GRIK5: variants seen among roughly 807,000 people sequenced by gnomAD.
The protein encoded by GRIK5 is glutamate ionotropic receptor kainate type subunit 5.
A neutral mutation model predicts 97.4 loss-of-function variants in GRIK5; 43 were observed. The ratio of observed to expected loss-of-function variants is 0.44; its 90% CI spans 0.35 to 0.57. The LOEUF is 0.57. Among genes scored for constraint, GRIK5 ranks in the 20% least tolerant of loss-of-function variants. The pLI, the probability that GRIK5 is intolerant of heterozygous loss-of-function variation, is 0.01. For missense variants in GRIK5, 1,015 were observed against 1,382.0 expected, an observed-to-expected ratio of 0.73 and a Z score of 4.21; for synonymous variants, 580 against 583.5, an observed-to-expected ratio of 0.99 and a Z score of 0.09.
chr19:42,040,915 C>T (rs1168536033), intron 12 of GRIK5, among the ~76,000 whole-genome samples: 1 of 151,670 alleles, frequency 6.6e-6, no homozygotes, highest in Non-Finnish European at 1.5e-5. Context: ...TAATAAAATT[C>T]ACCCTGACCT....
rs1555870069 is a variant in GRIK5 at position 41,998,795 on chromosome 19, G to A, written c.*76C>T. On this transcript the variant is annotated 3_prime_UTR_variant, in exon 20 of 20. Transcript: ENST00000593562. ...AAGTCCTGTCCCGCGCCCGCTGCGG[G>A]AGCGGAGACTGCTGGGGCCTGGGGC... 2.7e-6 allele frequency: 2 copies of A among 739,760 alleles called. No individual in the cohort carries two copies. Among genetic ancestry groups the A allele is most frequent in the African/African-American group, 1.9e-5 (1 of 52,676 alleles). The allele number at this position is 739,760 out of a possible 1,614,324, so 45.8% of individuals were successfully genotyped here.
Position 42,006,887 on chromosome 19 carries a change from T to A in GRIK5, c.1872-77A>T. 9.0e-7 allele frequency: 1 copy of A among 1,106,200 alleles called. No individual in the cohort carries two copies. The highest frequency in any genetic ancestry group is 1.3e-6 in the Non-Finnish European group (1 of 784,230). 68.5% of individuals were successfully genotyped at this position (1,106,200 alleles called of 1,614,324 possible). On this transcript the variant is annotated intron_variant, in intron 15 of 19. Coordinates refer to ENST00000593562, the MANE Select transcript of GRIK5 (RefSeq NM_002088.5). This position sits in a 1 kb window ranked among gnomAD's most constrained non-coding sequence, Gnocchi z 5.3. ...CCCCCGTGGCCATGCCCCCCATTGGTGGTGCCCCTCCCAAGTGACCCCAGC... is the reference window on the plus strand; with the variant it reads ...CCCCCGTGGCCATGCCCCCCATTGGAGGTGCCCCTCCCAAGTGACCCCAGC...
At chr19:42,032,929 G>A (rs1451254597) in intron 12 of GRIK5, among the ~76,000 whole-genome samples, 1 of 152,176 alleles carries the variant, frequency 6.6e-6, no homozygotes, top group Non-Finnish European at 1.5e-5. Context: ...TCCCACTAAG[G>A]TGTTCCTCAA....
chr19:42,004,554 G>A (rs2075462982), intron 17 of GRIK5, among the ~76,000 whole-genome samples: 1 of 152,146 alleles, frequency 6.6e-6, no homozygotes, highest in Admixed American at 6.5e-5. Flanking sequence ...CCCACCTGAG[G>A]CAAGTGTTTC....
At chr19:42,029,803 C>T (rs2075819434) in intron 12 of GRIK5, among the ~76,000 whole-genome samples, 2 of 152,200 alleles carry the variant, frequency 1.3e-5, no homozygotes, top group African/African-American at 4.8e-5. Context: ...GCCTTACGGG[C>T]TGTAGGGAAA....
chr19:42,054,867 C>T (rs1471547791), intron 8 of GRIK5, among the ~76,000 whole-genome samples: 1 of 152,060 alleles, frequency 6.6e-6, no homozygotes. Flanking sequence ...TGGGGCTGGA[C>T]GACCATGCCC....
chr19:42,016,421 CAAAAATAA>C (rs749799778), intron 15 of GRIK5, among the ~76,000 whole-genome samples: 5 of 152,008 alleles, frequency 3.3e-5, no homozygotes, highest in Non-Finnish European at 7.4e-5. Context: ...AACTCCATCT[CAAAAATAA>C]AAAAATAAAA....
intron 15 of GRIK5, among the ~76,000 whole-genome samples, chr19:42,020,856 G>C (rs1470776868): frequency 6.6e-6 from 1 of 152,154 alleles, no homozygotes; most frequent in Admixed American, 6.5e-5. Context: ...GCAGCCCTCA[G>C]GGCTGCTCTG....
chr19:42,041,141 CT>C (rs1274342161), intron 12 of GRIK5, among the ~76,000 whole-genome samples: 1 of 152,178 alleles, frequency 6.6e-6, no homozygotes, highest in Non-Finnish European at 1.5e-5. Flanking sequence ...GATAAACGTC[CT>C]TGTCAAGCAA....
rs1318857416 is a variant in GRIK5, at chr19:42,006,488, C to T, written c.2037+157G>A. ...AGTTCCCTAGCCAGCCAGCTGCGAG[C>T]CCCATGACAGCACATGTGTGTTTTC... On this transcript the variant is annotated intron_variant, in intron 16 of 19. Coordinates refer to ENST00000593562, the MANE Select transcript of GRIK5 (RefSeq NM_002088.5). The surrounding 1 kb of genome is among the most constrained non-coding windows in gnomAD (Gnocchi z 5.3). 6.6e-6 allele frequency among the ~76,000 whole-genome samples: 1 copy of T among 152,194 alleles called. No individual in the cohort carries two copies. The highest frequency in any genetic ancestry group is 1.5e-5 in the Non-Finnish European group (1 of 68,040).
chr19:42,020,864 C>T (rs917784373), intron 15 of GRIK5, among the ~76,000 whole-genome samples: 8 of 152,194 alleles, frequency 5.3e-5, no homozygotes, highest in African/African-American at 1.9e-4. Context: ...CAGGGCTGCT[C>T]TGTCTTTGGA....
intron 12 of GRIK5, among the ~76,000 whole-genome samples, chr19:42,024,468 C>A (rs1156314868): frequency 6.6e-6 from 1 of 152,170 alleles, no homozygotes; most frequent in African/African-American, 2.4e-5. Context: ...CCACCTCAGC[C>A]TCCCAAAGTG....
In GRIK5 at chr19:42,022,753, G is replaced by C; in HGVS notation, c.1474-399C>G. On this transcript the variant is annotated intron_variant, in intron 12 of 19. Coordinates refer to ENST00000593562, the MANE Select transcript of GRIK5 (RefSeq NM_002088.5). The surrounding 1 kb of genome is among the most constrained non-coding windows in gnomAD (Gnocchi z 4.2). The stretch of plus-strand genomic sequence containing the variant: ...ATAATACAGGCCCGGACAGAACACA[G>C]AGCAGGGAGAGAGGAGGCAGGGCCC... 5.3e-6 allele frequency: 4 copies of C among 752,580 alleles called. No homozygotes were observed. Among genetic ancestry groups the C allele is most frequent in the Non-Finnish European group, 6.5e-6 (4 of 617,548 alleles). The allele number at this position is 752,580 out of a possible 1,614,324, so 46.6% of individuals were successfully genotyped here. A position where few individuals can be genotyped will look rare whatever the true frequency, so the allele number is the denominator to read the frequency against.
chr19:42,065,494 G>T lies in GRIK5; in HGVS notation c.80-107C>A, dbSNP rs2146188057. 1 of 1,171,992 alleles carries T rather than the reference G, an allele frequency of 8.5e-7. No homozygotes were observed. The highest frequency in any genetic ancestry group is 1.2e-6 in the Non-Finnish European group (1 of 841,322). 72.6% of individuals were successfully genotyped at this position (1,171,992 alleles called of 1,614,324 possible). A position where few individuals can be genotyped will look rare whatever the true frequency, so the allele number is the denominator to read the frequency against. On this transcript the variant is annotated intron_variant, in intron 2 of 19. Transcript: ENST00000593562. This position sits in a 1 kb window ranked among gnomAD's most constrained non-coding sequence, Gnocchi z 5.8. ...GGGTGAGGTGGGTATACGGACCAGGGGTCTAGACACCTGGATCTGAGGTTG... is the reference window on the plus strand; with the variant it reads ...GGGTGAGGTGGGTATACGGACCAGGTGTCTAGACACCTGGATCTGAGGTTG...
chr19:42,019,626 T>C (rs1441370085), intron 15 of GRIK5, among the ~76,000 whole-genome samples: 2 of 152,188 alleles, frequency 1.3e-5, no homozygotes, highest in Non-Finnish European at 2.9e-5. Context: ...GGGATTACTC[T>C]GGATTATCCA....
chr19:42,018,420 C>A (rs1231501686), intron 15 of GRIK5, among the ~76,000 whole-genome samples: 2 of 151,170 alleles, frequency 1.3e-5, no homozygotes, highest in East Asian at 3.9e-4. Context: ...TTTGGGAGGC[C>A]GACCCAGGTG....
At chr19:42,029,760 T>C (rs1234573076) in intron 12 of GRIK5, among the ~76,000 whole-genome samples, 1 of 152,156 alleles carries the variant, frequency 6.6e-6, no homozygotes, top group African/African-American at 2.4e-5. Context: ...TGCAGAGTCT[T>C]TGATGCTCTG....
chr19:42,042,886 C>T lies in GRIK5; in HGVS notation c.1270-131G>A. 1.5e-6 allele frequency: 1 copy of T among 682,026 alleles called. No individual in the cohort carries two copies. The highest frequency in any genetic ancestry group is 2.5e-6 in the Non-Finnish European group (1 of 403,812). 42.2% of individuals were successfully genotyped at this position (682,026 alleles called of 1,614,324 possible). A position where few individuals can be genotyped will look rare whatever the true frequency, so the allele number is the denominator to read the frequency against. ...GCACGGTTGATTTATTCATAGTACACATTTCTCACTTACAAATGCTCAGAG... is the reference window on the plus strand; with the variant it reads ...GCACGGTTGATTTATTCATAGTACATATTTCTCACTTACAAATGCTCAGAG... On this transcript the variant is annotated intron_variant, in intron 11 of 19. Coordinates refer to ENST00000593562, the MANE Select transcript of GRIK5 (RefSeq NM_002088.5). This position sits in a 1 kb window ranked among gnomAD's most constrained non-coding sequence, Gnocchi z 6.9.
At chr19:42,013,948 G>C (rs970027944) in intron 15 of GRIK5, among the ~76,000 whole-genome samples, 3 of 150,898 alleles carry the variant, frequency 2.0e-5, no homozygotes, top group African/African-American at 7.3e-5. Flanking sequence ...AGGATCACTT[G>C]AGCCTGGGAG....
Sources: gnomAD v4.1 joint callset for allele counts (sites outside exome capture counted in the v4.1 genomes callset) on GRCh38, gnomAD v4.1.1 for gene constraint, Gnocchi (gnomAD v3.1) non-coding constraint, MANE v1.5 for transcripts, NCBI Gene and HGNC (gene_info 2026-07-23, HGNC 2026-07-21) for gene names.